Variants in LRSAM1 observed in about 807,000 individuals in gnomAD.
The protein encoded by LRSAM1 is E3 ubiquitin-protein ligase LRSAM1.
Under a neutral mutation model 118.1 loss-of-function variants are expected in LRSAM1, and 96 were observed. The ratio of observed to expected loss-of-function variants is 0.81; its 90% CI spans 0.69 to 0.96. The LOEUF (loss-of-function observed/expected upper bound fraction) is 0.96. Ranked by LOEUF, LRSAM1 falls within the 40% of genes least tolerant of loss-of-function variation. The pLI is 0.00. For synonymous variants in LRSAM1, 322 were observed against 364.2 expected (o/e 0.88, Z 1.32); for missense variants, 804 against 915.5 (o/e 0.88, Z 1.57).
At chr9:127,491,961 A>G (rs1835950173) in intron 20 of LRSAM1, among the ~76,000 whole-genome samples, 1 of 152,118 alleles carries the variant, frequency 6.6e-6, no homozygotes, top group Admixed American at 6.5e-5. Context: ...GTGTGTGAGG[A>G]CATGTGCCTG....
intron 10 of LRSAM1, among the ~76,000 whole-genome samples, chr9:127,469,831 G>A (rs1001366901): frequency 1.3e-5 from 2 of 152,140 alleles, no homozygotes; most frequent in East Asian, 1.9e-4. Flanking sequence ...AAGGCGTGGT[G>A]GCGGGCGCCT....
At chr9:127,457,704 G>C (rs187117973) in intron 6 of LRSAM1, among the ~76,000 whole-genome samples, 4 of 152,310 alleles carry the variant, frequency 2.6e-5, no homozygotes, top group Admixed American at 1.3e-4. Flanking sequence ...AGGAAGAGGA[G>C]GGACGCGCAG....
intron 24 of LRSAM1, 95 bp downstream of exon 24, chr9:127,497,429 C>T: frequency 5.6e-6 from 7 of 1,257,416 alleles, no homozygotes; most frequent in Non-Finnish European, 8.0e-6. Context: ...CAGGATGACT[C>T]CTGAGGGCTG....
chr9:127,491,098 C>G, intron 19 of LRSAM1, 117 bp from the exon 20 acceptor site: 2 of 840,916 alleles, frequency 2.4e-6, no homozygotes, highest in South Asian at 2.7e-5. Flanking sequence ...ATTCCAGAGC[C>G]TCCCCAGCCT....
intron 9 of LRSAM1, among the ~76,000 whole-genome samples, chr9:127,464,169 C>T (rs1834848210): frequency 6.6e-6 from 1 of 152,214 alleles, no homozygotes; most frequent in African/African-American, 2.4e-5. Context: ...TGGGTGATCA[C>T]AGAGACAGCA....
chr9:127,491,852 C>T (rs539447886), intron 20 of LRSAM1, among the ~76,000 whole-genome samples: 12 of 152,214 alleles, frequency 7.9e-5, no homozygotes, highest in Non-Finnish European at 1.6e-4. Context: ...CCCAGCACAG[C>T]CCTGCTGTGC....
intron 15 of LRSAM1, among the ~76,000 whole-genome samples, chr9:127,482,553 C>G (rs549177065): frequency 6.6e-6 from 1 of 152,296 alleles, no homozygotes; most frequent in South Asian, 2.1e-4. Context: ...AGGAAAGTGC[C>G]CATTTCTCCA....
In LRSAM1 at chr9:127,495,304, G is replaced by C; in HGVS notation, c.1600-16G>C. 1 of 1,611,592 alleles carries C rather than the reference G, an allele frequency of 6.2e-7. No individual in the cohort carries two copies. Among genetic ancestry groups the C allele is most frequent in the Non-Finnish European group, 8.5e-7 (1 of 1,177,788 alleles). Reference sequence around the variant, plus strand: ...TACCATTTTGTGACTAACATTGCCTGCTTCATTCCTGGCAGACGGAGTTAG... The same window carrying C: ...TACCATTTTGTGACTAACATTGCCTCCTTCATTCCTGGCAGACGGAGTTAG... On this transcript the variant is annotated splice_polypyrimidine_tract_variant and intron_variant, in intron 21 of 25. Transcript: ENST00000300417.
rs542077582 is a variant in LRSAM1, at chr9:127,467,809, A to G, written c.598A>G (p.Ile200Val). ...GGTGTGTGGTGCCGGCACTGCGGCC[A>G]TCTTGCAGTTCCTCTGCAAAGGTAA... ...REVCGAGTAA[I>V]LQFLCKESGL... The change falls in exon 10 of 26, where the codon ATC becomes GTC. Residue 200 changes from isoleucine to valine, a missense_variant. Ile to Val is a conservative substitution (Grantham distance 29). Coordinates refer to ENST00000300417, the MANE Select transcript of LRSAM1 (RefSeq NM_001005373.4). 2.1e-5 allele frequency: 34 copies of G among 1,604,004 alleles called. No homozygotes were observed. Among genetic ancestry groups the G allele is most frequent in the Non-Finnish European group, 2.7e-5 (32 of 1,176,888 alleles).
At chr9:127,485,207 T>TA (rs2132079286) in intron 16 of LRSAM1, among the ~76,000 whole-genome samples, 1 of 152,314 alleles carries the variant, frequency 6.6e-6, no homozygotes, top group Admixed American at 6.5e-5. Flanking sequence ...CAGGAGATGT[T>TA]ATGTATGTGC....
At position 127,479,772 on chromosome 9, in the gene LRSAM1, C is replaced by T. The variant is rs56160932; in HGVS notation, c.904-67C>T. The T allele has an allele frequency of 0.036, 57,623 of 1,582,408 alleles. 1,338 individuals carry two copies. Among genetic ancestry groups the T allele is most frequent in the Non-Finnish European group, 0.044 (50,985 of 1,161,296 alleles). ...GGGTGGGAAAGCCAGCCTCCTAACC[C>T]CAGTCAGTACCCCTCACGGCGTCTG... On this transcript the variant is annotated intron_variant, in intron 13 of 25. Coordinates refer to ENST00000300417, the MANE Select transcript of LRSAM1 (RefSeq NM_001005373.4).
chr9:127,467,707 G>T lies in LRSAM1; in HGVS notation c.529-33G>T, dbSNP rs767746171. On this transcript the variant is annotated intron_variant, in intron 9 of 25. Transcript: ENST00000300417. Reference sequence around the variant, plus strand: ...TGTGGTCTCCGGTTGCGTTGGTAGCGAACAGTAAAGCGGGTTACCCTTGTG... The same window carrying T: ...TGTGGTCTCCGGTTGCGTTGGTAGCTAACAGTAAAGCGGGTTACCCTTGTG... 5 of 1,589,108 alleles carry T rather than the reference G, an allele frequency of 3.1e-6. No homozygotes were observed. In the East Asian group the frequency reaches 9.0e-5, roughly 29 times the overall value.
rs556723022 is a variant in LRSAM1, at chr9:127,455,232, A to G, written c.129+178A>G. 1.1e-4 allele frequency among the ~76,000 whole-genome samples: 16 copies of G among 152,160 alleles called. 1 individual carries two copies. In the South Asian group the frequency reaches 3.1e-3, roughly 30 times the overall value. On this transcript the variant is annotated intron_variant, in intron 4 of 25. Transcript: ENST00000300417. ...AATTGAAGATGATCCTTTGGCCTCA[A>G]TATAACGTAGTCTCCAAGAGTCAAG...
In LRSAM1 at chr9:127,487,753, T is replaced by C; in HGVS notation, c.1337T>C (p.Ile446Thr). The change falls in exon 18 of 26, where the codon ATC becomes ACC. Residue 446 changes from isoleucine to threonine, a missense_variant. By Grantham distance (89) the Ile-to-Thr change is moderately conservative. Transcript: ENST00000300417. ...GATCAGAACAAAGCCATCAGCCAGA[T>C]CCTGCAGGAGGTGAGCCCTCGCCCA... is the stretch of plus-strand genomic sequence containing the variant. ...QMDQNKAISQILQESAMQKAA... is the reference protein window; with the variant it reads ...QMDQNKAISQTLQESAMQKAA... 1 of 1,612,832 alleles carries C rather than the reference T, an allele frequency of 6.2e-7. No homozygotes were observed. The highest frequency in any genetic ancestry group is 1.3e-5 in the African/African-American group (1 of 75,020).
chr9:127,472,368 A>G (rs2995823), intron 10 of LRSAM1, among the ~76,000 whole-genome samples: 97,495 of 151,640 alleles, frequency 0.64, 31,604 homozygotes, highest in Admixed American at 0.66. Flanking sequence ...GAGGCTGGGC[A>G]TGGTGACTCA....
chr9:127,501,736 A>C (rs933604163), intron 25 of LRSAM1, among the ~76,000 whole-genome samples: 13 of 152,372 alleles, frequency 8.5e-5, no homozygotes, highest in Non-Finnish European at 1.8e-4. Flanking sequence ...CATCTCAAAA[A>C]AAAGAAAAAA....
Position 127,459,057 on chromosome 9 carries a change from C to G in LRSAM1, c.307C>G (p.Leu103Val). Residue 103 changes from leucine (L) to valine (V), a missense_variant, in exon 7 of 26, where the codon CTG (leucine) becomes GTG (valine). By Grantham distance (32) the Leu-to-Val change is conservative (BLOSUM62 1). Transcript: ENST00000300417. The part of the protein sequence containing the change: ...LTALPDDLGQ[L>V]TALQVLNVER... ...AGCCCTTCCTGACGATCTGGGGCAG[C>G]TGACTGCCCTCCAGGTAAGGCTGCA... 1 of 1,613,648 alleles carries G rather than the reference C, an allele frequency of 6.2e-7. No homozygotes were observed.
chr9:127,491,068 C>G, intron 19 of LRSAM1, 147 bp from the exon 20 acceptor site: 1 of 736,878 alleles, frequency 1.4e-6, no homozygotes, highest in Non-Finnish European at 2.5e-6. Context: ...ACGAGGTTCC[C>G]AGGCCCGCAG....
chr9:127,479,734 G>T, intron 13 of LRSAM1, 105 bp from the exon 14 acceptor site: 2 of 1,493,920 alleles, frequency 1.3e-6, no homozygotes, highest in Admixed American at 1.8e-5. Context: ...ACACAAAAAG[G>T]ATTGGCAAGG....
Sources: allele counts gnomAD v4.1 joint callset (sites outside exome capture counted in the v4.1 genomes callset), GRCh38; gene constraint gnomAD v4.1.1; transcripts MANE v1.5; gene names NCBI Gene and HGNC (gene_info 2026-07-23, HGNC 2026-07-21).